Variants in RFTN1 observed in about 807,000 individuals in gnomAD.
The protein encoded by RFTN1 is raftlin.
RFTN1 carries 26 observed loss-of-function variants against 46.5 expected under a neutral mutation model. That is an observed-to-expected ratio of 0.56 (90% CI 0.41 to 0.78). The LOEUF (loss-of-function observed/expected upper bound fraction) is 0.78, where lower values mean the gene tolerates loss of function less well. RFTN1 is among the 30% of genes least tolerant of loss of function. The probability of loss-of-function intolerance (pLI) is 0.00; values close to 1 mark genes in which losing one functional copy is unlikely to be tolerated. For missense variants in RFTN1, 693 were observed against 718.7 expected, an observed-to-expected ratio of 0.96 and a Z score of 0.41; for synonymous variants, 261 against 284.2, an observed-to-expected ratio of 0.92 and a Z score of 0.82.
intron 3 of RFTN1, among the ~76,000 whole-genome samples, chr3:16,414,572 C>T (rs2075038778): frequency 6.6e-6 from 1 of 150,528 alleles, no homozygotes; most frequent in Admixed American, 6.6e-5. Context: ...CCACTGCACT[C>T]CAGCCTGAGC....
In RFTN1 at chr3:16,348,252, C is replaced by T. The variant is rs965006521; in HGVS notation, c.1146+9680G>A. ...GATGGTAAAAAGGAAGCCGAGGCAT[C>T]TAGATCACTGACATTATCCATAATC... On this transcript the variant is annotated intron_variant, in intron 7 of 9. Coordinates refer to ENST00000334133, the MANE Select transcript of RFTN1 (RefSeq NM_015150.2). The surrounding 1 kb of genome is among the most constrained non-coding windows in gnomAD (Gnocchi z 6.3). Among the ~76,000 whole-genome samples, 6 of 152,092 alleles carry T rather than the reference C, an allele frequency of 3.9e-5. No individual in the cohort carries two copies. Among genetic ancestry groups the T allele is most frequent in the Admixed American group, 2.0e-4 (3 of 15,276 alleles).
chr3:16,356,856 T>A lies in RFTN1; in HGVS notation c.1146+1076A>T, dbSNP rs1404135963. On this transcript the variant is annotated intron_variant, in intron 7 of 9. Coordinates refer to ENST00000334133, the MANE Select transcript of RFTN1 (RefSeq NM_015150.2). This position sits in a 1 kb window ranked among gnomAD's most constrained non-coding sequence, Gnocchi z 4.9. ...CATGGCTGGGCACGGTGGCTCACGC[T>A]GTAATCCCAGCACTTCAACAGGCCA... Among the ~76,000 whole-genome samples the A allele has an allele frequency of 6.6e-6, 1 of 152,220 alleles. No individual in the cohort carries two copies. The highest frequency in any genetic ancestry group is 6.5e-5 in the Admixed American group (1 of 15,286).
intron 1 of RFTN1, among the ~76,000 whole-genome samples, chr3:16,495,000 T>C: frequency 6.6e-6 from 1 of 151,886 alleles, no homozygotes; most frequent in East Asian, 1.9e-4. Flanking sequence ...AAACTGAACC[T>C]CAGAAAAGCA....
intron 2 of RFTN1, among the ~76,000 whole-genome samples, chr3:16,492,840 T>A (rs942743327): frequency 6.6e-6 from 1 of 152,220 alleles, no homozygotes; most frequent in Non-Finnish European, 1.5e-5. Flanking sequence ...GGCTCACGAC[T>A]TCCCCCCCAA....
intron 2 of RFTN1, among the ~76,000 whole-genome samples, chr3:16,439,274 G>C (rs2075577285): frequency 6.6e-6 from 1 of 152,158 alleles, no homozygotes; most frequent in Admixed American, 6.5e-5. Flanking sequence ...GTTACTCCTA[G>C]GCGAATAAAC....
In RFTN1 at chr3:16,459,820, G is replaced by GA. The variant is rs914831978; in HGVS notation, c.146-25784dup. On this transcript the variant is annotated intron_variant, in intron 2 of 9. Transcript: ENST00000334133. The surrounding 1 kb of genome is among the most constrained non-coding windows in gnomAD (Gnocchi z 4.2). ...GCCATTGTTGTTTATTTAAATGCTAGAAAAAAAATAAGATTTATATACAAT... is the reference window on the plus strand; with the variant it reads ...GCCATTGTTGTTTATTTAAATGCTAGAAAAAAAAATAAGATTTATATACAAT... Among the ~76,000 whole-genome samples the GA allele has an allele frequency of 2.4e-4, 36 of 151,654 alleles. No individual in the cohort carries two copies. The highest frequency in any genetic ancestry group is 6.8e-3 in the Middle Eastern group (2 of 294).
At chr3:16,454,622 T>C (rs1190629505) in intron 2 of RFTN1, among the ~76,000 whole-genome samples, 1 of 152,234 alleles carries the variant, frequency 6.6e-6, no homozygotes, top group Admixed American at 6.5e-5. Flanking sequence ...GGTAGATGGA[T>C]ACATAAGACA....
chr3:16,494,408 G>A (rs950986151), intron 1 of RFTN1, among the ~76,000 whole-genome samples: 1 of 152,180 alleles, frequency 6.6e-6, no homozygotes, highest in Admixed American at 6.5e-5. Flanking sequence ...CCTAAAAGTA[G>A]ATGGTGGTAT....
chr3:16,354,823 A>C (rs2072327003), intron 7 of RFTN1, among the ~76,000 whole-genome samples: 1 of 152,190 alleles, frequency 6.6e-6, no homozygotes. Flanking sequence ...GAACAGCTAC[A>C]CTGCACCCTG....
chr3:16,332,675 A>G, intron 7 of RFTN1, among the ~76,000 whole-genome samples: 1 of 152,224 alleles, frequency 6.6e-6, no homozygotes, highest in Non-Finnish European at 1.5e-5. Flanking sequence ...TGGGTTCTGC[A>G]AGAAACAAAT....
Position 16,448,815 on chromosome 3 carries a change from G to A in RFTN1, c.146-14778C>T, listed in dbSNP as rs1303625814. ...ACCCCATGCGGGGATTACAGGCTGC[G>A]ACTCACTGCTCTAGCAAAACTAGAA... On this transcript the variant is annotated intron_variant, in intron 2 of 9. Coordinates refer to ENST00000334133, the MANE Select transcript of RFTN1 (RefSeq NM_015150.2). The surrounding 1 kb of genome is among the most constrained non-coding windows in gnomAD (Gnocchi z 4.1). 2.0e-5 allele frequency among the ~76,000 whole-genome samples: 3 copies of A among 152,202 alleles called. No homozygotes were observed. The highest frequency in any genetic ancestry group is 3.9e-4 in the East Asian group (2 of 5,182).
At chr3:16,397,143 A>ATG (rs768772834) in intron 4 of RFTN1, among the ~76,000 whole-genome samples, 15 of 151,982 alleles carry the variant, frequency 9.9e-5, no homozygotes, top group Non-Finnish European at 1.9e-4. Flanking sequence ...TAAGAGGTAT[A>ATG]TGTGTGTGTG....
rs34705903 is a variant in RFTN1 at position 16,426,660 on chromosome 3, C to CGTGTGTGTGTGTGTGT, written c.332+7175_332+7190dup. Among the ~76,000 whole-genome samples, 75 of 142,118 alleles carry CGTGTGTGTGTGTGTGT rather than the reference C, an allele frequency of 5.3e-4. No individual in the cohort carries two copies. Among genetic ancestry groups the CGTGTGTGTGTGTGTGT allele is most frequent in the Middle Eastern group, 3.4e-3 (1 of 290 alleles). The allele number at this position is 142,118 out of a possible 152,430, so 93.2% of individuals were successfully genotyped here. Reference sequence around the variant, plus strand: ...ACTGTTATTTTGGCAATGAAAGGATCGTGTGTGTGTGTGTGTGTGTGTGTG... The same window carrying CGTGTGTGTGTGTGTGT: ...ACTGTTATTTTGGCAATGAAAGGATCGTGTGTGTGTGTGTGTGTGTGTGTGTGTGTGTGTGTGTGTG... On this transcript the variant is annotated intron_variant, in intron 3 of 9. Coordinates refer to ENST00000334133, the MANE Select transcript of RFTN1 (RefSeq NM_015150.2). The surrounding 1 kb of genome is among the most constrained non-coding windows in gnomAD (Gnocchi z 5.9).
intron 4 of RFTN1, among the ~76,000 whole-genome samples, chr3:16,404,567 C>T (rs1026734449): frequency 6.6e-6 from 1 of 150,600 alleles, no homozygotes; most frequent in African/African-American, 2.4e-5. Flanking sequence ...GAAGCCCACC[C>T]AGAACAGCCT....
At chr3:16,441,697 T>C (rs1044911133) in intron 2 of RFTN1, among the ~76,000 whole-genome samples, 1 of 152,256 alleles carries the variant, frequency 6.6e-6, no homozygotes, top group Non-Finnish European at 1.5e-5. Flanking sequence ...AAGTCTGACT[T>C]TGGTCTTCTA....
intron 7 of RFTN1, among the ~76,000 whole-genome samples, chr3:16,340,142 T>C (rs1013627934): frequency 6.6e-6 from 1 of 152,250 alleles, no homozygotes; most frequent in African/African-American, 2.4e-5. Flanking sequence ...CTGTTTCTGT[T>C]CCATTGCCAC....
At chr3:16,419,392 G>A (rs543827616) in intron 3 of RFTN1, among the ~76,000 whole-genome samples, 14 of 152,288 alleles carry the variant, frequency 9.2e-5, no homozygotes, top group African/African-American at 3.1e-4. Flanking sequence ...TTAAGCAGGC[G>A]GCAGTGTGTA....
chr3:16,373,840 T>C (rs2125368418), intron 5 of RFTN1, among the ~76,000 whole-genome samples: 2 of 152,150 alleles, frequency 1.3e-5, no homozygotes, highest in South Asian at 4.2e-4. Context: ...AGGTTTGCAT[T>C]GGGAAGGGAG....
Position 16,451,029 on chromosome 3 carries a change from G to A in RFTN1, c.146-16992C>T, listed in dbSNP as rs570121109. On this transcript the variant is annotated intron_variant, in intron 2 of 9. Transcript: ENST00000334133. The surrounding 1 kb of genome is among the most constrained non-coding windows in gnomAD (Gnocchi z 4.2). ...GAACTCTGGACTGGGGATAGAAAAC[G>A]GAGGCTCACGTACCTGTGCATAAAT... 7.9e-5 allele frequency among the ~76,000 whole-genome samples: 12 copies of A among 152,268 alleles called. No homozygotes were observed. The highest frequency in any genetic ancestry group is 1.9e-4 in the African/African-American group (8 of 41,546).
Sources: allele counts gnomAD v4.1 joint callset (sites outside exome capture counted in the v4.1 genomes callset), GRCh38; gene constraint gnomAD v4.1.1; non-coding constraint Gnocchi (gnomAD v3.1); transcripts MANE v1.5; gene names NCBI Gene and HGNC (gene_info 2026-07-23, HGNC 2026-07-21).